ELAPOR2: variants seen among roughly 807,000 people sequenced by gnomAD.
ELAPOR2 encodes the protein endosome/lysosome-associated apoptosis and autophagy regulator family member 2.
ELAPOR2 carries 89 observed loss-of-function variants against 120.7 expected under a neutral mutation model. The observed-to-expected ratio is 0.74, with a 90% CI of 0.62 to 0.88. The LOEUF is 0.88. Among genes scored for constraint, ELAPOR2 ranks in the 40% least tolerant of loss-of-function variants. ELAPOR2 has a pLI of 0.00. For synonymous variants in ELAPOR2, 444 were observed against 444.9 expected (o/e 1.00, Z 0.03); for missense variants, 1,134 against 1,251.6 (o/e 0.91, Z 1.42).
At chr7:86,994,762 TTG>T (rs1160626219) in intron 1 of ELAPOR2, among the ~76,000 whole-genome samples, 1 of 152,220 alleles carries the variant, frequency 6.6e-6, no homozygotes, top group African/African-American at 2.4e-5. Flanking sequence ...TATCTTAGTT[TTG>T]TAGACACATA....
At chr7:86,901,730 G>A (rs1460944080) in intron 18 of ELAPOR2, among the ~76,000 whole-genome samples, 2 of 152,130 alleles carry the variant, frequency 1.3e-5, no homozygotes, top group African/African-American at 2.4e-5. Flanking sequence ...AGCTGCTTTC[G>A]CATGGGGCTT....
chr7:87,054,829 A>G (rs1795214015), intron 1 of ELAPOR2, among the ~76,000 whole-genome samples: 1 of 152,136 alleles, frequency 6.6e-6, no homozygotes, highest in Non-Finnish European at 1.5e-5. Context: ...ACAGAATTCA[A>G]TCTTCTCTCT....
intron 1 of ELAPOR2, among the ~76,000 whole-genome samples, chr7:87,031,607 C>A (rs1228311740): frequency 6.6e-6 from 1 of 152,104 alleles, no homozygotes; most frequent in African/African-American, 2.4e-5. Flanking sequence ...GAATCACCTA[C>A]AGGAATATCT....
chr7:87,011,001 C>T (rs1365365760), intron 1 of ELAPOR2, among the ~76,000 whole-genome samples: 1 of 152,082 alleles, frequency 6.6e-6, no homozygotes, highest in East Asian at 1.9e-4. Context: ...GGTGCAGTGG[C>T]TCACACCTGT....
chr7:86,915,328 A>G (rs1341981244), intron 12 of ELAPOR2, among the ~76,000 whole-genome samples: 1 of 152,042 alleles, frequency 6.6e-6, no homozygotes, highest in African/African-American at 2.4e-5. Context: ...GTTCCCCTGA[A>G]TTATACTTGC....
intron 18 of ELAPOR2, among the ~76,000 whole-genome samples, chr7:86,906,390 T>C (rs1789017508): frequency 1.3e-5 from 2 of 152,110 alleles, no homozygotes; most frequent in African/African-American, 4.8e-5. Flanking sequence ...GTAAAAAGAA[T>C]AATTAAATCA....
chr7:86,949,711 G>C (rs1791160746), intron 2 of ELAPOR2, among the ~76,000 whole-genome samples: 1 of 152,218 alleles, frequency 6.6e-6, no homozygotes, highest in Non-Finnish European at 1.5e-5. Context: ...GGTTGGGGCT[G>C]AGCCTGGGCA....
In ELAPOR2 at chr7:87,011,791, T is replaced by C. The variant is rs537499350; in HGVS notation, c.190-46767A>G. On this transcript the variant is annotated intron_variant, in intron 1 of 21. Transcript: ENST00000450689. ...TATATTTATAGGAGGGGAAGAAAGA[T>C]GACAGAAACAAAAGACAGGGTCTAT... Among the ~76,000 whole-genome samples the C allele has an allele frequency of 1.2e-4, 19 of 152,292 alleles. No homozygotes were observed. The East Asian group carries it at 2.9e-3, about 23-fold the overall frequency.
chr7:87,022,725 TC>T (rs1794097825), intron 1 of ELAPOR2, among the ~76,000 whole-genome samples: 1 of 150,748 alleles, frequency 6.6e-6, no homozygotes, highest in African/African-American at 2.5e-5. Context: ...TTTCTCCACA[TC>T]CTCTCCAGCA....
chr7:87,050,795 CAGG>C (rs1403457116), intron 1 of ELAPOR2, among the ~76,000 whole-genome samples: 1 of 152,080 alleles, frequency 6.6e-6, no homozygotes, highest in Non-Finnish European at 1.5e-5. Context: ...CCAGAAATTA[CAGG>C]AGAAGTGAGA....
At chr7:87,002,125 G>C (rs912142914) in intron 1 of ELAPOR2, among the ~76,000 whole-genome samples, 1 of 152,142 alleles carries the variant, frequency 6.6e-6, no homozygotes, top group East Asian at 1.9e-4. Flanking sequence ...ACTTTAACTT[G>C]CCAATTAGAG....
At chr7:86,906,940 A>G (rs17608650) in intron 18 of ELAPOR2, among the ~76,000 whole-genome samples, 7,754 of 152,160 alleles carry the variant, frequency 0.051, 254 homozygotes, top group Non-Finnish European at 0.072. Flanking sequence ...TGAAAAATGA[A>G]TATCTGAAAA....
intron 1 of ELAPOR2, among the ~76,000 whole-genome samples, chr7:87,008,660 G>A (rs1793560299): frequency 1.3e-5 from 2 of 152,176 alleles, no homozygotes. Context: ...CTCCCAAAGT[G>A]TTGGGATTAC....
At chr7:86,947,109 C>T (rs556079378) in intron 3 of ELAPOR2, among the ~76,000 whole-genome samples, 14 of 152,208 alleles carry the variant, frequency 9.2e-5, no homozygotes, top group Admixed American at 3.3e-4. Context: ...GTAGCCAGAG[C>T]CCTAAAGTTG....
intron 4 of ELAPOR2, 109 bp from the exon 5 acceptor site, chr7:86,942,213 T>C: frequency 5.2e-6 from 3 of 573,382 alleles, no homozygotes; most frequent in Admixed American, 2.8e-5. Context: ...TTCTAAACAA[T>C]GGCCATGAGT....
chr7:86,888,834 C>T (rs984151092), intron 21 of ELAPOR2, among the ~76,000 whole-genome samples: 1 of 152,122 alleles, frequency 6.6e-6, no homozygotes, highest in Admixed American at 6.6e-5. Context: ...CTTACAGGAA[C>T]AGTCAACCTG....
chr7:86,899,362 C>T (rs1788609025), intron 18 of ELAPOR2, among the ~76,000 whole-genome samples: 1 of 152,120 alleles, frequency 6.6e-6, no homozygotes, highest in African/African-American at 2.4e-5. Flanking sequence ...CTTTCGGCTT[C>T]CTTAAGCCAC....
intron 1 of ELAPOR2, among the ~76,000 whole-genome samples, chr7:87,028,899 C>G (rs1422217729): frequency 2.6e-5 from 4 of 152,168 alleles, no homozygotes; most frequent in Non-Finnish European, 4.4e-5. Context: ...CAGGGGGTCA[C>G]TCTCCTCTGA....
chr7:87,022,848 C>G (rs1341578906), intron 1 of ELAPOR2, among the ~76,000 whole-genome samples: 1 of 151,838 alleles, frequency 6.6e-6, no homozygotes, highest in Non-Finnish European at 1.5e-5. Flanking sequence ...AGCATTTTTT[C>G]ATGTGTTTTT....
Sources: gnomAD v4.1 joint callset for allele counts (sites outside exome capture counted in the v4.1 genomes callset) on GRCh38, gnomAD v4.1.1 for gene constraint, MANE v1.5 for transcripts, NCBI Gene and HGNC (gene_info 2026-07-23, HGNC 2026-07-21) for gene names.